The following GRIP1 variants were observed in gnomAD, a reference collection of about 807,000 sequenced individuals.
GRIP1 encodes glutamate receptor interacting protein 1.
A neutral mutation model predicts 129.9 loss-of-function variants in GRIP1; 45 were observed. The ratio of observed to expected loss-of-function variants is 0.35; its 90% CI spans 0.27 to 0.44. The LOEUF (loss-of-function observed/expected upper bound fraction) is 0.44. GRIP1 is among the 20% of genes least tolerant of loss of function. GRIP1 has a pLI of 1.00. For missense variants in GRIP1, 1,196 were observed against 1,396.8 expected, an observed-to-expected ratio of 0.86 and a Z score of 2.29; for synonymous variants, 530 against 520.8, an observed-to-expected ratio of 1.02 and a Z score of -0.24.
At chr12:66,958,311 T>C (rs1592392579) in intron 1 of GRIP1, among the ~76,000 whole-genome samples, 1 of 152,276 alleles carries the variant, frequency 6.6e-6, no homozygotes. Flanking sequence ...GGCTAATTTT[T>C]TTATAGAGAT....
intron 1 of GRIP1, among the ~76,000 whole-genome samples, chr12:66,629,741 G>A (rs1480655867): frequency 6.6e-6 from 1 of 152,164 alleles, no homozygotes; most frequent in Admixed American, 6.5e-5. Context: ...TCTCCATGAG[G>A]GAGTGAATTC....
intron 7 of GRIP1, among the ~76,000 whole-genome samples, chr12:66,511,229 T>G (rs1178737924): frequency 6.6e-6 from 1 of 152,146 alleles, no homozygotes; most frequent in Admixed American, 6.6e-5. Context: ...GAAATGTTCC[T>G]TTCACCTTCT....
chr12:66,809,339 A>AT (rs1192511452), intron 1 of GRIP1, among the ~76,000 whole-genome samples: 10 of 152,064 alleles, frequency 6.6e-5, no homozygotes, highest in East Asian at 1.9e-4. Flanking sequence ...TGGTTATAGT[A>AT]TTTTTTTTGA....
intron 13 of GRIP1, 141 bp downstream of exon 13, chr12:66,444,443 G>A (rs932823817): frequency 2.3e-5 from 15 of 658,840 alleles, no homozygotes; most frequent in East Asian, 5.9e-5. Flanking sequence ...CCGAGATTGC[G>A]CCACTGCAGT....
At chr12:66,937,193 C>T (rs1003069557) in intron 1 of GRIP1, among the ~76,000 whole-genome samples, 2 of 152,100 alleles carry the variant, frequency 1.3e-5, no homozygotes, top group African/African-American at 2.4e-5. Context: ...CAGTGCTGTG[C>T]ATAAATGTCA....
chr12:66,829,320 A>C (rs1194725842), intron 1 of GRIP1, among the ~76,000 whole-genome samples: 2 of 152,182 alleles, frequency 1.3e-5, no homozygotes, highest in Non-Finnish European at 2.9e-5. Flanking sequence ...CAGCCATCAA[A>C]AACTGGGAAG....
intron 1 of GRIP1, among the ~76,000 whole-genome samples, chr12:66,636,993 T>C (rs772698845): frequency 6.6e-6 from 1 of 152,122 alleles, no homozygotes; most frequent in Non-Finnish European, 1.5e-5. Flanking sequence ...CACATGCTGC[T>C]GATGGGAGGG....
chr12:66,808,760 C>T (rs1292417655), upstream of GRIP1, among the ~76,000 whole-genome samples: 2 of 152,182 alleles, frequency 1.3e-5, no homozygotes, highest in Non-Finnish European at 2.9e-5. Flanking sequence ...CTGCCTGCCA[C>T]CCATAAATAA....
At chr12:66,529,062 T>C (rs1470187079) in intron 5 of GRIP1, among the ~76,000 whole-genome samples, 2 of 152,012 alleles carry the variant, frequency 1.3e-5, no homozygotes, top group Non-Finnish European at 1.5e-5. Context: ...TCACTAATGA[T>C]CAGGGAAATG....
chr12:67,030,875 T>A (rs917792869), intron 1 of GRIP1, among the ~76,000 whole-genome samples: 5 of 152,162 alleles, frequency 3.3e-5, no homozygotes, highest in Non-Finnish European at 5.9e-5. Context: ...ACAAAGTTAG[T>A]TAGAAGCCTA....
chr12:66,516,544 A>AT (rs1055215608), intron 6 of GRIP1, among the ~76,000 whole-genome samples: 11 of 152,118 alleles, frequency 7.2e-5, no homozygotes, highest in African/African-American at 2.4e-4. Context: ...TTTGGCTCCA[A>AT]TTTTTTTCTT....
chr12:67,040,674 G>A (rs2043163756), intron 1 of GRIP1, among the ~76,000 whole-genome samples: 2 of 152,158 alleles, frequency 1.3e-5, no homozygotes, highest in African/African-American at 2.4e-5. Flanking sequence ...CTCAGCTGGG[G>A]AATGGAGACA....
At chr12:66,523,791 A>C (rs565461465) in intron 5 of GRIP1, among the ~76,000 whole-genome samples, 1 of 152,096 alleles carries the variant, frequency 6.6e-6, no homozygotes, top group Non-Finnish European at 1.5e-5. Flanking sequence ...CCCATCTCAC[A>C]TGCAGAGACA....
chr12:66,560,534 CAAAAA>C (rs912125598), intron 2 of GRIP1, among the ~76,000 whole-genome samples: 1 of 149,870 alleles, frequency 6.7e-6, no homozygotes, highest in Non-Finnish European at 1.5e-5. Context: ...AGACATTTCT[CAAAAA>C]AAAAGAGAGA....
At chr12:66,358,793 C>T (rs190682955) in intron 23 of GRIP1, among the ~76,000 whole-genome samples, 5 of 152,092 alleles carry the variant, frequency 3.3e-5, no homozygotes, top group Non-Finnish European at 5.9e-5. Flanking sequence ...ATGCTGCTTT[C>T]TCAAAGGGAT....
At chr12:66,958,244 A>T (rs2041871342) in intron 1 of GRIP1, among the ~76,000 whole-genome samples, 1 of 152,072 alleles carries the variant, frequency 6.6e-6, no homozygotes, top group African/African-American at 2.4e-5. Context: ...GGCTCAAGTG[A>T]TCCTCCCTCC....
chr12:67,062,314 G>A (rs950785132), intron 1 of GRIP1, among the ~76,000 whole-genome samples: 1 of 152,074 alleles, frequency 6.6e-6, no homozygotes, highest in Admixed American at 6.6e-5. Flanking sequence ...TATATTCTAT[G>A]CTCATAAGTA....
At chr12:66,428,787 C>T (rs1054535120) in intron 14 of GRIP1, among the ~76,000 whole-genome samples, 4 of 152,172 alleles carry the variant, frequency 2.6e-5, no homozygotes, top group Non-Finnish European at 4.4e-5. Flanking sequence ...AAAGTAGACA[C>T]AAACCCCTGT....
intron 1 of GRIP1, among the ~76,000 whole-genome samples, chr12:66,748,524 T>A (rs928177178): frequency 4.6e-5 from 7 of 152,240 alleles, no homozygotes; most frequent in Non-Finnish European, 1.0e-4. Flanking sequence ...CCAGTGTTAG[T>A]GGCATGTATC....
Sources: allele counts gnomAD v4.1 joint callset (sites outside exome capture counted in the v4.1 genomes callset), GRCh38; gene constraint gnomAD v4.1.1; transcripts MANE v1.5; gene names NCBI Gene and HGNC (gene_info 2026-07-23, HGNC 2026-07-21).